The following RS1 variants were observed in gnomAD, a reference collection of about 807,000 sequenced individuals.
RS1 encodes the protein retinoschisin 1.
A neutral mutation model predicts 20.8 loss-of-function variants in RS1; 2 were observed. The observed-to-expected ratio is 0.10, with a 90% CI of 0.04 to 0.30. The LOEUF is 0.30. Among genes scored for constraint, RS1 ranks in the 10% least tolerant of loss-of-function variants. RS1 has a pLI of 1.00. For missense variants in RS1, 151 were observed against 189.8 expected, an observed-to-expected ratio of 0.80 and a Z score of 1.20; for synonymous variants, 70 against 75.8, an observed-to-expected ratio of 0.92 and a Z score of 0.40.
chrX:18,641,806 G>T lies in RS1; in HGVS notation c.*198C>A. ...CTTTGTTCTGACTTTCTCTGGCCCT[G>T]AGTGGGGAATAAGTTCATTTTTATT... On this transcript the variant is annotated 3_prime_UTR_variant, in exon 6 of 6. Coordinates refer to ENST00000379984, the MANE Select transcript of RS1 (RefSeq NM_000330.4). The T allele has an allele frequency of 2.3e-6, 1 of 436,930 alleles. No homozygotes were observed. Among genetic ancestry groups the T allele is most frequent in the South Asian group, 3.6e-5 (1 of 28,045 alleles). The allele number at this position is 436,930 out of a possible 1,213,427, so 36.0% of individuals were successfully genotyped here.
intron 3 of RS1, among the ~76,000 whole-genome samples, chrX:18,655,627 C>T (rs978044330): frequency 8.9e-6 from 1 of 112,021 alleles, no homozygotes; most frequent in Non-Finnish European, 1.9e-5. Flanking sequence ...AAGCCACTAT[C>T]TCAACAGGTG....
chrX:18,647,702 A>G (rs1927843785), intron 3 of RS1: 1 of 209,528 alleles, frequency 4.8e-6, no homozygotes, highest in Non-Finnish European at 8.7e-6. Flanking sequence ...AATGCCATAC[A>G]TCTTTATTTC....
At chrX:18,653,225 T>G (rs898727715) in intron 3 of RS1, among the ~76,000 whole-genome samples, 3 of 112,164 alleles carry the variant, frequency 2.7e-5, no homozygotes, top group African/African-American at 9.7e-5. Flanking sequence ...CCTACCCTAT[T>G]TTTTGCTCTC....
At chrX:18,662,350 C>T (rs150682684) in intron 1 of RS1, among the ~76,000 whole-genome samples, 1,292 of 111,765 alleles carry the variant, frequency 0.012, 21 homozygotes, top group African/African-American at 0.04. Flanking sequence ...ATGTGCACAA[C>T]GTGCAGGCTT....
rs1569228120 is a variant in RS1 at position 18,640,436 on chromosome X, C to CCCA, written c.*1567_*1568insTGG. On this transcript the variant is annotated 3_prime_UTR_variant, in exon 6 of 6. Transcript: ENST00000379984. The stretch of plus-strand genomic sequence containing the variant: ...TAAGGCCAGGGATAAGTCCCCCCAC[C>CCCA]CCCCCCCCCCACCCCCAACACCCTG... 2.2e-5 allele frequency: 1 copy of CCCA among 44,667 alleles called. No homozygotes were observed. Among genetic ancestry groups the CCCA allele is most frequent in the East Asian group, 8.0e-4 (1 of 1,250 alleles). 3.7% of individuals were successfully genotyped at this position (44,667 alleles called of 1,213,427 possible). A position where few individuals can be genotyped will look rare whatever the true frequency, so the allele number is the denominator to read the frequency against.
intron 5 of RS1, 123 bp from the exon 6 acceptor site, chrX:18,642,279 T>G: frequency 1.3e-5 from 10 of 755,970 alleles, no homozygotes; most frequent in Non-Finnish European, 1.8e-5. Flanking sequence ...TAAAGCAGTT[T>G]GCGGGTGCCC....
rs764695427 is a variant in RS1 at position 18,657,695 on chromosome X, CTAAT to C, written c.53-34_53-31del. On this transcript the variant is annotated intron_variant, in intron 1 of 5. Transcript: ENST00000379984. ...AGCAAAAGGATGAGACAGAAAAAAT[CTAAT>C]TAATGAAAGAGAAATCCAACAGCAT... 2.6e-6 allele frequency: 3 copies of C among 1,137,362 alleles called. No homozygotes were observed. In the Admixed American group the frequency reaches 6.5e-5, roughly 25 times the overall value. 93.7% of individuals were successfully genotyped at this position (1,137,362 alleles called of 1,213,427 possible).
intron 3 of RS1, chrX:18,647,752 C>T (rs768773165): frequency 5.9e-6 from 1 of 169,669 alleles, no homozygotes; most frequent in Non-Finnish European, 1.1e-5. Context: ...CTCATGACGT[C>T]AGGTCTCTTG....
intron 1 of RS1, among the ~76,000 whole-genome samples, chrX:18,664,336 G>T: frequency 8.9e-6 from 1 of 112,147 alleles, no homozygotes; most frequent in Non-Finnish European, 1.9e-5. Flanking sequence ...ATTAAAAAAC[G>T]TACAAAAGGG....
intron 3 of RS1, chrX:18,653,677 C>A: frequency 3.2e-6 from 3 of 933,392 alleles, no homozygotes; most frequent in South Asian, 2.1e-5. Flanking sequence ...TTGTTAAGAT[C>A]AAAAACCAGG....
chrX:18,661,293 G>A (rs899204053), intron 1 of RS1, among the ~76,000 whole-genome samples: 3 of 111,431 alleles, frequency 2.7e-5, no homozygotes, highest in African/African-American at 9.8e-5. Flanking sequence ...GCATGCAAGG[G>A]AGGTGTGGTT....
chrX:18,647,519 G>A, intron 3 of RS1, 187 bp from the exon 4 acceptor site: 2 of 465,637 alleles, frequency 4.3e-6, no homozygotes, highest in Non-Finnish European at 7.5e-6. Flanking sequence ...AGAAAGGAAT[G>A]AAGGATGAAG....
intron 3 of RS1, chrX:18,650,032 A>C: frequency 3.8e-6 from 1 of 263,994 alleles, no homozygotes; most frequent in Non-Finnish European, 7.0e-6. Context: ...GGCAGAGGGG[A>C]AGGGAAAAAG....
chrX:18,650,184 G>A, intron 3 of RS1: 2 of 461,635 alleles, frequency 4.3e-6, no homozygotes, highest in Non-Finnish European at 7.7e-6. Context: ...GGGGTACCTG[G>A]CCAGGGCCAA....
At position 18,656,740 on chromosome X, in the gene RS1, A is replaced by G. The variant is rs1326297730; in HGVS notation, c.97T>C (p.Trp33Arg). 1.6e-5 allele frequency: 19 copies of G among 1,210,855 alleles called. No homozygotes were observed. Among genetic ancestry groups the G allele is most frequent in the Non-Finnish European group, 2.1e-5 (19 of 894,771 alleles). ...SSTEDEGEDP[W>R]YQKACKCDCQ... Reference sequence around the variant, plus strand: ...TCGCACTTGCATGCTTTTTGGTACCAGGGGTCCTCGCCTTCATCCTGCAGC... The same window carrying G: ...TCGCACTTGCATGCTTTTTGGTACCGGGGGTCCTCGCCTTCATCCTGCAGC... Residue 33 changes from tryptophan to arginine, a missense_variant, in exon 3 of 6, where the codon TGG becomes CGG. Transcript: ENST00000379984.
Position 18,650,090 on chromosome X carries a change from T to C in RS1, c.185-2758A>G, listed in dbSNP as rs754351188. 5 of 335,305 alleles carry C rather than the reference T, an allele frequency of 1.5e-5. No individual in the cohort carries two copies. In the East Asian group the frequency reaches 3.0e-4, roughly 20 times the overall value. 27.6% of individuals were successfully genotyped at this position (335,305 alleles called of 1,213,427 possible). A position where few individuals can be genotyped will look rare whatever the true frequency, so the allele number is the denominator to read the frequency against. On this transcript the variant is annotated intron_variant, in intron 3 of 5. Coordinates refer to ENST00000379984, the MANE Select transcript of RS1 (RefSeq NM_000330.4). ...CCTTATTCTTGGCACTTTGCTCTTC[T>C]TCATCTGTTTCCCCTTCACATCTCT...
chrX:18,657,217 CTTTTT>C (rs749358875), intron 2 of RS1, among the ~76,000 whole-genome samples: 8 of 65,148 alleles, frequency 1.2e-4, no homozygotes, highest in Admixed American at 6.6e-4. Flanking sequence ...AAAAAAAATA[CTTTTT>C]TTTTTTTTTT....
chrX:18,646,179 T>A (rs1207155273), intron 4 of RS1: 2 of 1,158,782 alleles, frequency 1.7e-6, no homozygotes, highest in East Asian at 6.2e-5. Flanking sequence ...TGAGACAGAG[T>A]CTTGCTCTGT....
At chrX:18,651,252 TGTGTGTGTGTGTGA>T (rs1388074423) in intron 3 of RS1, among the ~76,000 whole-genome samples, 2 of 98,841 alleles carry the variant, frequency 2.0e-5, no homozygotes, top group African/African-American at 3.9e-5. Context: ...TGTGTGTGTG[TGTGTGTGTGTGTGA>T]GAGAGAGAGA....
Sources: allele counts gnomAD v4.1 joint callset (sites outside exome capture counted in the v4.1 genomes callset), GRCh38; gene constraint gnomAD v4.1.1; transcripts MANE v1.5; gene names NCBI Gene and HGNC (gene_info 2026-07-23, HGNC 2026-07-21).